PFN4: variants seen among roughly 807,000 people sequenced by gnomAD.
PFN4 encodes the protein profilin family member 4.
A neutral mutation model predicts 16.3 loss-of-function variants in PFN4; 10 were observed. That is an observed-to-expected ratio of 0.61 (90% CI 0.38 to 1.04). The LOEUF is 1.04. PFN4 is among the 50% of genes least tolerant of loss of function. The pLI is 0.01. For synonymous variants in PFN4, 54 were observed against 56.9 expected (o/e 0.95, Z 0.23); for missense variants, 136 against 153.6 (o/e 0.89, Z 0.61).
chr2:24,120,180 A>C (rs1331436801), intron 3 of PFN4, among the ~76,000 whole-genome samples: 1 of 152,124 alleles, frequency 6.6e-6, no homozygotes, highest in Non-Finnish European at 1.5e-5. Flanking sequence ...GAGGCAGGAG[A>C]ATCTCTTGAA....
At chr2:24,122,149 T>TG (rs1666137432) in intron 2 of PFN4, among the ~76,000 whole-genome samples, 1 of 152,054 alleles carries the variant, frequency 6.6e-6, no homozygotes, top group South Asian at 2.1e-4. Context: ...CTGACCAACA[T>TG]GGTAAAACAC....
At position 24,119,566 on chromosome 2, in the gene PFN4, G is replaced by A. The variant is rs766556973; in HGVS notation, c.361+11C>T. 3.1e-6 allele frequency: 5 copies of A among 1,605,850 alleles called. No individual in the cohort carries two copies. The highest frequency in any genetic ancestry group is 4.3e-6 in the Non-Finnish European group (5 of 1,173,888). ...TAGGGAATGAAGACAGGAACTAGGAGGCCAACTTACCCAGGCTCTCTGTGG... is the reference window on the plus strand; with the variant it reads ...TAGGGAATGAAGACAGGAACTAGGAAGCCAACTTACCCAGGCTCTCTGTGG... On this transcript the variant is annotated intron_variant, in intron 4 of 4. Coordinates refer to ENST00000313213, the MANE Select transcript of PFN4 (RefSeq NM_199346.3).
intron 4 of PFN4, among the ~76,000 whole-genome samples, chr2:24,118,837 G>A (rs1666008571): frequency 6.6e-6 from 1 of 152,184 alleles, no homozygotes; most frequent in Non-Finnish European, 1.5e-5. Flanking sequence ...TTGAATGAAT[G>A]AATGAATGAA....
Position 24,119,655 on chromosome 2 carries a change from T to A in PFN4, c.283A>T (p.Thr95Ser). The change falls in exon 4 of 5, where the codon ACC becomes TCC. Residue 95 changes from threonine to serine, a missense_variant. Thr to Ser is a moderately conservative substitution (Grantham distance 58). Transcript: ENST00000313213. ...NENTGVVVVK[T>S]HLYLLVATYT... Reference sequence around the variant, plus strand: ...GTTGCTACCAGAAGATACAGATGGGTCTTCACGACAACCACACCAGTGTTC... The same window carrying A: ...GTTGCTACCAGAAGATACAGATGGGACTTCACGACAACCACACCAGTGTTC... 6.2e-7 allele frequency: 1 copy of A among 1,613,428 alleles called. No individual in the cohort carries two copies. Among genetic ancestry groups the A allele is most frequent in the Non-Finnish European group, 8.5e-7 (1 of 1,179,576 alleles).
At chr2:24,120,237 C>G (rs752203735) in intron 3 of PFN4, among the ~76,000 whole-genome samples, 1 of 151,614 alleles carries the variant, frequency 6.6e-6, no homozygotes, top group Non-Finnish European at 1.5e-5. Flanking sequence ...CCATTGCACT[C>G]CAGCCTGGGC....
chr2:24,119,514 A>T, intron 4 of PFN4, 63 bp downstream of exon 4: 1 of 1,188,470 alleles, frequency 8.4e-7, no homozygotes, highest in Non-Finnish European at 1.2e-6. Flanking sequence ...GATCTCTGTT[A>T]CTCGTAGTCG....
rs1553329197 is a variant in PFN4 at position 24,120,283 on chromosome 2, C to CAA, written c.256-603_256-602dup. On this transcript the variant is annotated intron_variant, in intron 3 of 4. Coordinates refer to ENST00000313213, the MANE Select transcript of PFN4 (RefSeq NM_199346.3). ...AAACTCGTCTCAAAAAAAAAAACAA[C>CAA]AACAAAACAAAACAAAACAAAACAA... Among the ~76,000 whole-genome samples the CAA allele has an allele frequency of 7.1e-3, 1,071 of 150,936 alleles. 9 individuals carry two copies. The highest frequency in any genetic ancestry group is 0.025 in the African/African-American group (1,032 of 41,170).
intron 3 of PFN4, among the ~76,000 whole-genome samples, chr2:24,120,278 AAC>A (rs1361018219): frequency 9.2e-5 from 7 of 76,102 alleles, no homozygotes; most frequent in African/African-American, 2.3e-4. Flanking sequence ...CAAAAAAAAA[AAC>A]AACAACAAAA....
At chr2:24,119,184 C>A (rs150410026) in intron 4 of PFN4, among the ~76,000 whole-genome samples, 14 of 152,256 alleles carry the variant, frequency 9.2e-5, no homozygotes, top group African/African-American at 3.4e-4. Context: ...TCCCCCCTCC[C>A]CTATCCTGCC....
chr2:24,117,493 A>G (rs192656399), intron 4 of PFN4, among the ~76,000 whole-genome samples: 379 of 149,366 alleles, frequency 2.5e-3, no homozygotes, highest in African/African-American at 9.2e-3. Context: ...CCCAGGCTGG[A>G]GTGCAATGGC....
chr2:24,118,182 G>T (rs1665983398), intron 4 of PFN4, among the ~76,000 whole-genome samples: 2 of 152,142 alleles, frequency 1.3e-5, no homozygotes, highest in Non-Finnish European at 2.9e-5. Flanking sequence ...TCATATTCTG[G>T]TTATTTTAAT....
intron 3 of PFN4, 28 bp downstream of exon 3, chr2:24,121,135 C>A: frequency 6.2e-7 from 1 of 1,612,478 alleles, no homozygotes; most frequent in Non-Finnish European, 8.5e-7. Context: ...TTCTTTTACT[C>A]AGCTCTCTTC....
chr2:24,116,653 G>A (rs1242822935), intron 4 of PFN4, among the ~76,000 whole-genome samples: 3 of 152,086 alleles, frequency 2.0e-5, no homozygotes, highest in Admixed American at 6.6e-5. Context: ...TCAGGAGTTC[G>A]AGACCAGCCT....
intron 4 of PFN4, among the ~76,000 whole-genome samples, chr2:24,116,384 G>A (rs773483174): frequency 6.6e-5 from 10 of 152,080 alleles, no homozygotes; most frequent in Non-Finnish European, 1.5e-4. Flanking sequence ...TAAAGATGGG[G>A]TCTCACTATG....
chr2:24,118,827 T>C (rs995624104), intron 4 of PFN4, among the ~76,000 whole-genome samples: 2 of 152,138 alleles, frequency 1.3e-5, no homozygotes, highest in African/African-American at 4.8e-5. Context: ...TGAATGTTTG[T>C]TGAATGAATG....
chr2:24,120,980 A>C (rs1666096112), intron 3 of PFN4, among the ~76,000 whole-genome samples, 183 bp downstream of exon 3: 1 of 150,780 alleles, frequency 6.6e-6, no homozygotes, highest in African/African-American at 2.4e-5. Context: ...ATTTCTCAAA[A>C]CCAGGCTCTT....
intron 4 of PFN4, among the ~76,000 whole-genome samples, chr2:24,118,647 AATG>A (rs1426652143): frequency 6.6e-6 from 1 of 152,220 alleles, no homozygotes; most frequent in Admixed American, 6.5e-5. Flanking sequence ...TTGGTTCTTT[AATG>A]ATGATTAGGA....
At chr2:24,121,073 C>G in intron 3 of PFN4, 90 bp downstream of exon 3, 1 of 1,492,726 alleles carries the variant, frequency 6.7e-7, no homozygotes, top group Non-Finnish European at 9.1e-7. Context: ...TGGATTTAAT[C>G]TGTTTTACAG....
chr2:24,117,014 ATT>A (rs58867611), intron 4 of PFN4, among the ~76,000 whole-genome samples: 216 of 131,906 alleles, frequency 1.6e-3, no homozygotes, highest in African/African-American at 5.0e-3. Context: ...ACAATCCTGC[ATT>A]TTTTTTTTTT....
Sources: gnomAD v4.1 joint callset for allele counts (sites outside exome capture counted in the v4.1 genomes callset) on GRCh38, gnomAD v4.1.1 for gene constraint, MANE v1.5 for transcripts, NCBI Gene and HGNC (gene_info 2026-07-23, HGNC 2026-07-21) for gene names.